MUSK: variants seen among roughly 807,000 people sequenced by gnomAD.
The protein encoded by MUSK is muscle, skeletal receptor tyrosine-protein kinase.
In MUSK, 55 loss-of-function variants were observed where a neutral mutation model predicts 88.7. The observed-to-expected ratio is 0.62, with a 90% CI of 0.50 to 0.78. MUSK has a LOEUF of 0.78. Ranked by LOEUF, MUSK falls within the 30% of genes least tolerant of loss-of-function variation. The probability of loss-of-function intolerance (pLI) is 0.00; values close to 1 mark genes in which losing one functional copy is unlikely to be tolerated. For synonymous variants in MUSK, 387 were observed against 391.9 expected (o/e 0.99, Z 0.15); for missense variants, 1,015 against 1,074.3 (o/e 0.94, Z 0.77).
rs73657641 is a variant in MUSK at position 110,693,654 on chromosome 9, T to G, written c.359-1749T>G. ...TAGTCATTCCTAGTTGACTTTACAT[T>G]CAATTTCCCAAAAGGGAATTCCTCA... On this transcript the variant is annotated intron_variant, in intron 3 of 14. Coordinates refer to ENST00000374448, the MANE Select transcript of MUSK (RefSeq NM_005592.4). Among the ~76,000 whole-genome samples the G allele has an allele frequency of 1.9e-3, 282 of 152,310 alleles. 1 individual carries two copies. The highest frequency in any genetic ancestry group is 6.5e-3 in the African/African-American group (269 of 41,560).
intron 3 of MUSK, among the ~76,000 whole-genome samples, chr9:110,691,679 A>G (rs2076357665): frequency 2.0e-5 from 3 of 152,292 alleles, no homozygotes; most frequent in African/African-American, 7.2e-5. Flanking sequence ...GCTTATAACC[A>G]TACATACGGG....
At chr9:110,765,997 G>A (rs1026506651) in intron 8 of MUSK, among the ~76,000 whole-genome samples, 1 of 152,064 alleles carries the variant, frequency 6.6e-6, no homozygotes, top group African/African-American at 2.4e-5. Flanking sequence ...CATCCTGCTT[G>A]TTCAGATTTT....
chr9:110,759,505 G>A (rs2077370364), intron 7 of MUSK, among the ~76,000 whole-genome samples: 2 of 152,136 alleles, frequency 1.3e-5, no homozygotes. Context: ...CTTCTACATA[G>A]CAAAAGAAAC....
chr9:110,696,070 A>T (rs2131716230), intron 4 of MUSK, among the ~76,000 whole-genome samples: 1 of 152,276 alleles, frequency 6.6e-6, no homozygotes, highest in African/African-American at 2.4e-5. Context: ...TGAGGTCAGA[A>T]GTTCAAGACC....
At chr9:110,731,064 A>G (rs1375376981) in intron 5 of MUSK, among the ~76,000 whole-genome samples, 1 of 151,992 alleles carries the variant, frequency 6.6e-6, no homozygotes, top group Non-Finnish European at 1.5e-5. Flanking sequence ...CCTTCCCCCA[A>G]CCTTACCAGA....
At chr9:110,766,384 T>C (rs2821148) in intron 8 of MUSK, among the ~76,000 whole-genome samples, 106,423 of 152,050 alleles carry the variant, frequency 0.7, 38,503 homozygotes, top group Non-Finnish European at 0.8. Context: ...AGAAAGTTTT[T>C]GTGGAGTTTT....
intron 9 of MUSK, chr9:110,775,439 C>T: frequency 3.9e-6 from 1 of 256,296 alleles, no homozygotes; most frequent in South Asian, 4.6e-5. Flanking sequence ...GTTTTTTAAA[C>T]TCTGTATACC....
At chr9:110,782,035 A>T (rs1395435889) in intron 11 of MUSK, among the ~76,000 whole-genome samples, 1 of 152,106 alleles carries the variant, frequency 6.6e-6, no homozygotes, top group Non-Finnish European at 1.5e-5. Flanking sequence ...CTACTCCTAT[A>T]ATGCTTCTTA....
intron 7 of MUSK, among the ~76,000 whole-genome samples, chr9:110,754,231 TA>T (rs1267034251): frequency 1.3e-5 from 2 of 152,234 alleles, no homozygotes; most frequent in Admixed American, 6.5e-5. Flanking sequence ...CAGTTAGGCA[TA>T]AAAGGTAAGC....
rs1159151793 is a variant in MUSK, at chr9:110,701,686, TTTAC to T, written c.628+4223_628+4226del. On this transcript the variant is annotated intron_variant, in intron 5 of 14. Coordinates refer to ENST00000374448, the MANE Select transcript of MUSK (RefSeq NM_005592.4). ...ATTTATTTTATTTTATTTTTTTTAC[TTTAC>T]TTTATTTTATTTTATTTTATTTTAT... Among the ~76,000 whole-genome samples the T allele has an allele frequency of 1.0e-3, 7 of 6,738 alleles. 2 individuals are homozygous for T. Among genetic ancestry groups the T allele is most frequent in the Admixed American group, 1.5e-3 (2 of 1,322 alleles). 4.4% of individuals were successfully genotyped at this position (6,738 alleles called of 152,430 possible).
At chr9:110,759,865 G>A (rs1208936443) in intron 7 of MUSK, among the ~76,000 whole-genome samples, 4 of 152,024 alleles carry the variant, frequency 2.6e-5, no homozygotes, top group Admixed American at 6.6e-5. Context: ...GCAAAACCTC[G>A]TCTCTACTAG....
chr9:110,790,881 T>C (rs2077962361), intron 14 of MUSK, among the ~76,000 whole-genome samples: 1 of 152,228 alleles, frequency 6.6e-6, no homozygotes, highest in African/African-American at 2.4e-5. Context: ...TGCTGCCAGC[T>C]GGGCATAGAC....
chr9:110,749,400 C>T (rs549655558), intron 7 of MUSK, among the ~76,000 whole-genome samples: 4 of 152,172 alleles, frequency 2.6e-5, no homozygotes, highest in Admixed American at 2.0e-4. Flanking sequence ...AGGTTGAAGT[C>T]AAACCTTTCA....
chr9:110,728,685 C>G (rs2076920512), intron 5 of MUSK: 2 of 1,577,104 alleles, frequency 1.3e-6, no homozygotes, highest in Middle Eastern at 1.7e-4. Flanking sequence ...TTTTTATTAA[C>G]AGAAGAAAGT....
Position 110,804,250 on chromosome 9 carries a change from G to A in MUSK, c.*3262G>A, listed in dbSNP as rs1383137372. Reference sequence around the variant, plus strand: ...GTAATTAACATCCTTATTTGTTCATGTCCACATTTCTTTTTATGAAAATTC... The same window carrying A: ...GTAATTAACATCCTTATTTGTTCATATCCACATTTCTTTTTATGAAAATTC... On this transcript the variant is annotated 3_prime_UTR_variant, in exon 15 of 15. Transcript: ENST00000374448. 1.3e-5 allele frequency among the ~76,000 whole-genome samples: 2 copies of A among 151,792 alleles called. No homozygotes were observed. Among genetic ancestry groups the A allele is most frequent in the Non-Finnish European group, 2.9e-5 (2 of 67,938 alleles).
At chr9:110,715,240 C>T (rs1196129566) in intron 5 of MUSK, among the ~76,000 whole-genome samples, 1 of 149,840 alleles carries the variant, frequency 6.7e-6, no homozygotes, top group East Asian at 1.9e-4. Context: ...TAGTACTTCC[C>T]AGTTATGAGT....
chr9:110,755,645 G>A (rs1172260723), intron 7 of MUSK, among the ~76,000 whole-genome samples: 2 of 151,888 alleles, frequency 1.3e-5, no homozygotes, highest in Non-Finnish European at 2.9e-5. Context: ...AACCTCATCT[G>A]CTTCACTCTC....
intron 5 of MUSK, among the ~76,000 whole-genome samples, chr9:110,722,915 CT>C (rs1165230242): frequency 1.3e-5 from 2 of 152,060 alleles, no homozygotes; most frequent in Admixed American, 1.3e-4. Flanking sequence ...AAAGGGAACA[CT>C]TTTATATTGT....
chr9:110,741,575 G>C (rs1428777597), intron 6 of MUSK, among the ~76,000 whole-genome samples: 3 of 152,084 alleles, frequency 2.0e-5, no homozygotes, highest in African/African-American at 7.2e-5. Context: ...CAATAACAAA[G>C]AATGTCTTAT....
Sources: allele counts gnomAD v4.1 joint callset (sites outside exome capture counted in the v4.1 genomes callset), GRCh38; gene constraint gnomAD v4.1.1; transcripts MANE v1.5; gene names NCBI Gene and HGNC (gene_info 2026-07-23, HGNC 2026-07-21).